The following ELMO1 variants were observed in gnomAD, a reference collection of about 807,000 sequenced individuals.
ELMO1 encodes engulfment and cell motility protein 1.
ELMO1 carries 26 observed loss-of-function variants against 98.9 expected under a neutral mutation model. The observed-to-expected ratio is 0.26, with a 90% CI of 0.19 to 0.36. The LOEUF is 0.36. ELMO1 is among the 10% of genes least tolerant of loss of function. The pLI is 1.00. For missense variants in ELMO1, 627 were observed against 935.2 expected (o/e 0.67, Z 4.30); for synonymous variants, 346 against 346.0 (o/e 1.00, Z 0.00).
At chr7:36,971,923 A>C (rs1171201685) in intron 16 of ELMO1, among the ~76,000 whole-genome samples, 3 of 152,216 alleles carry the variant, frequency 2.0e-5, no homozygotes, top group African/African-American at 7.2e-5. Context: ...AACCTCTCTA[A>C]CATTTGTAAG....
chr7:36,969,558 C>A (rs1313753711), intron 16 of ELMO1, among the ~76,000 whole-genome samples: 2 of 152,066 alleles, frequency 1.3e-5, no homozygotes, highest in African/African-American at 4.8e-5. Flanking sequence ...TAGTTTTATG[C>A]CTTAAGTTGG....
At chr7:36,995,209 T>C (rs1389877025) in intron 16 of ELMO1, among the ~76,000 whole-genome samples, 1 of 152,178 alleles carries the variant, frequency 6.6e-6, no homozygotes, top group Non-Finnish European at 1.5e-5. Context: ...TAGAAGCCAT[T>C]GTTAAAATCA....
intron 11 of ELMO1, among the ~76,000 whole-genome samples, chr7:37,215,862 G>T (rs964617825): frequency 1.3e-5 from 2 of 152,112 alleles, no homozygotes; most frequent in African/African-American, 4.8e-5. Flanking sequence ...CTGATCTGTT[G>T]GCCTCACCAT....
At position 37,359,215 on chromosome 7, in the gene ELMO1, C is replaced by T. The variant is rs1200744867; in HGVS notation, c.-73-16452G>A. On this transcript the variant is annotated intron_variant, in intron 1 of 21. Transcript: ENST00000310758. ...TACTCCTTCCTTGCAGGACTATCTG[C>T]TTTACTGCAGATTACATCTAAAAAT... 2.0e-5 allele frequency among the ~76,000 whole-genome samples: 3 copies of T among 152,336 alleles called. No homozygotes were observed. In the South Asian group the frequency reaches 6.2e-4, roughly 32 times the overall value.
At chr7:37,311,657 C>T (rs1798896291) in intron 4 of ELMO1, among the ~76,000 whole-genome samples, 1 of 152,204 alleles carries the variant, frequency 6.6e-6, no homozygotes, top group Non-Finnish European at 1.5e-5. Context: ...ATCTCCTGCT[C>T]TGTGCGTGCT....
At chr7:36,910,991 C>T (rs562017747) in intron 16 of ELMO1, among the ~76,000 whole-genome samples, 65 of 152,168 alleles carry the variant, frequency 4.3e-4, no homozygotes, top group African/African-American at 8.4e-4. Context: ...GCCTTCTAAA[C>T]GAGGGGATAT....
At chr7:37,171,951 G>A (rs1162659837) in intron 13 of ELMO1, among the ~76,000 whole-genome samples, 1 of 151,986 alleles carries the variant, frequency 6.6e-6, no homozygotes, top group Non-Finnish European at 1.5e-5. Context: ...TTTGAATTTT[G>A]TACTATTATC....
rs182805025 is a variant in ELMO1 at position 36,991,543 on chromosome 7, A to G, written c.1437+21756T>C. 1.0e-3 allele frequency among the ~76,000 whole-genome samples: 155 copies of G among 152,372 alleles called. 1 individual carries two copies. Among genetic ancestry groups the G allele is most frequent in the Non-Finnish European group, 1.8e-3 (124 of 68,032 alleles). On this transcript the variant is annotated intron_variant, in intron 16 of 21. Coordinates refer to ENST00000310758, the MANE Select transcript of ELMO1 (RefSeq NM_014800.11). The stretch of plus-strand genomic sequence containing the variant: ...CATTTTTAAGACCAAAACATATGCA[A>G]AACCTGAACTGAACATAGTCAGAAG...
intron 4 of ELMO1, among the ~76,000 whole-genome samples, chr7:37,305,426 T>C (rs1002237610): frequency 6.1e-5 from 9 of 147,860 alleles, no homozygotes; most frequent in African/African-American, 2.3e-4. Context: ...TTTTGGTCAA[T>C]ATCCAGCACA....
chr7:36,870,513 T>A lies in ELMO1; in HGVS notation c.1823-38A>T. ...AAAGAAAATGCAAGTAACTACACCA[T>A]GTGAAAACTTTGATGTCAATAAAGA... On this transcript the variant is annotated intron_variant, in intron 19 of 21. Coordinates refer to ENST00000310758, the MANE Select transcript of ELMO1 (RefSeq NM_014800.11). The surrounding 1 kb of genome is among the most constrained non-coding windows in gnomAD (Gnocchi z 4.4). 1 of 1,597,938 alleles carries A rather than the reference T, an allele frequency of 6.3e-7. No individual in the cohort carries two copies. The highest frequency in any genetic ancestry group is 8.5e-7 in the Non-Finnish European group (1 of 1,170,148).
At chr7:37,359,938 C>T (rs1562642197) in intron 1 of ELMO1, among the ~76,000 whole-genome samples, 1 of 152,168 alleles carries the variant, frequency 6.6e-6, no homozygotes, top group East Asian at 1.9e-4. Context: ...CTGAGATTTT[C>T]AAGCTCCACA....
chr7:37,354,979 G>A (rs1442842025), intron 1 of ELMO1, among the ~76,000 whole-genome samples: 1 of 152,236 alleles, frequency 6.6e-6, no homozygotes, highest in Non-Finnish European at 1.5e-5. Flanking sequence ...AGAACTCTGG[G>A]CTGTGCCTCC....
intron 16 of ELMO1, among the ~76,000 whole-genome samples, chr7:36,912,300 G>A (rs1784395249): frequency 6.6e-6 from 1 of 152,122 alleles, no homozygotes; most frequent in Non-Finnish European, 1.5e-5. Flanking sequence ...TGTTAAAAAG[G>A]GTATGAGAGG....
At chr7:37,355,288 A>G (rs1583617005) in intron 1 of ELMO1, among the ~76,000 whole-genome samples, 1 of 152,226 alleles carries the variant, frequency 6.6e-6, no homozygotes, top group Non-Finnish European at 1.5e-5. Flanking sequence ...TGGGATTATT[A>G]TGAAGATAAA....
At chr7:37,164,814 A>C (rs1470973333) in intron 13 of ELMO1, among the ~76,000 whole-genome samples, 9 of 149,922 alleles carry the variant, frequency 6.0e-5, no homozygotes, top group African/African-American at 1.9e-4. Flanking sequence ...TTGACTTGGC[A>C]ATGCGGGCTC....
chr7:37,312,266 T>C (rs1199427969), intron 4 of ELMO1, among the ~76,000 whole-genome samples: 7 of 152,332 alleles, frequency 4.6e-5, no homozygotes, highest in Non-Finnish European at 1.0e-4. Flanking sequence ...TTTTTGTATT[T>C]TTAGTAGAGA....
intron 15 of ELMO1, among the ~76,000 whole-genome samples, chr7:37,096,130 G>C (rs1784354689): frequency 6.6e-6 from 1 of 152,042 alleles, no homozygotes; most frequent in African/African-American, 2.4e-5. Context: ...TTCATTTTCA[G>C]CTACCCATTT....
chr7:37,363,334 C>T (rs1281353521), intron 1 of ELMO1, among the ~76,000 whole-genome samples: 1 of 152,140 alleles, frequency 6.6e-6, no homozygotes, highest in East Asian at 1.9e-4. Flanking sequence ...CCACCAAAGT[C>T]GAAACCACAA....
intron 16 of ELMO1, among the ~76,000 whole-genome samples, chr7:36,952,208 A>C (rs2129106466): frequency 6.6e-6 from 1 of 152,336 alleles, no homozygotes; most frequent in African/African-American, 2.4e-5. Flanking sequence ...TCCTGAGAAG[A>C]GGCTTCCAGA....
Sources: allele counts gnomAD v4.1 joint callset (sites outside exome capture counted in the v4.1 genomes callset), GRCh38; gene constraint gnomAD v4.1.1; non-coding constraint Gnocchi (gnomAD v3.1); transcripts MANE v1.5; gene names NCBI Gene and HGNC (gene_info 2026-07-23, HGNC 2026-07-21).